Variants in SPACDR observed in about 807,000 individuals in gnomAD.
SPACDR encodes the protein uncharacterized protein C7orf61.
chr7:100,461,971 C>T, the SPACDR span, among the ~76,000 whole-genome samples: 1 of 136,952 alleles, frequency 7.3e-6, no homozygotes, highest in Non-Finnish European at 1.5e-5. Flanking sequence ...CCAACCTGGG[C>T]GACAGACTCC....
At chr7:100,463,989 G>GTC in the SPACDR span, 1 of 1,601,582 alleles carries the variant, frequency 6.2e-7, no homozygotes, top group East Asian at 2.3e-5. Flanking sequence ...TGCCAAGCCC[G>GTC]TCTAACCCAT....
At chr7:100,456,900 A>G in the SPACDR span, 1 of 1,613,464 alleles carries the variant, frequency 6.2e-7, no homozygotes, top group Non-Finnish European at 8.5e-7. Context: ...CACCAGGTAC[A>G]CCTCCCACAG....
the SPACDR span, among the ~76,000 whole-genome samples, chr7:100,457,617 C>CCTTT: frequency 7.9e-6 from 1 of 127,052 alleles, no homozygotes; most frequent in East Asian, 2.1e-4. Flanking sequence ...CCATGCCTGG[C>CCTTT]CTTTTTTTTT....
the SPACDR span, chr7:100,457,051 C>T: frequency 1.0e-4 from 119 of 1,185,638 alleles, no homozygotes; most frequent in East Asian, 2.0e-3. Flanking sequence ...GCCGCTAGAA[C>T]GACCCATAGA....
chr7:100,456,981 G>A, the SPACDR span: 12 of 1,610,208 alleles, frequency 7.5e-6, no homozygotes, highest in Admixed American at 8.4e-5. Flanking sequence ...AGAACTCACT[G>A]ATGACTGTAA....
chr7:100,459,883 C>A, the SPACDR span, among the ~76,000 whole-genome samples: 2 of 151,776 alleles, frequency 1.3e-5, no homozygotes, highest in Admixed American at 6.6e-5. Flanking sequence ...CTGTGAACAT[C>A]CACATTTAGA....
chr7:100,463,030 G>A, the SPACDR span, among the ~76,000 whole-genome samples: 1 of 150,912 alleles, frequency 6.6e-6, no homozygotes, highest in African/African-American at 2.4e-5. Flanking sequence ...CTTAAACCGG[G>A]GAGGTGGAGG....
chr7:100,459,703 G>A, the SPACDR span, among the ~76,000 whole-genome samples: 9 of 152,242 alleles, frequency 5.9e-5, no homozygotes, highest in Non-Finnish European at 1.3e-4. Context: ...GGGCTCGAGC[G>A]ATGCTTCTGC....
chr7:100,462,223 A>AT, the SPACDR span, among the ~76,000 whole-genome samples: 6 of 151,560 alleles, frequency 4.0e-5, no homozygotes, highest in East Asian at 1.9e-4. Context: ...TTTATTATTT[A>AT]TTTTTTTTGA....
At chr7:100,461,293 G>A in the SPACDR span, among the ~76,000 whole-genome samples, 1 of 151,948 alleles carries the variant, frequency 6.6e-6, no homozygotes, top group East Asian at 1.9e-4. Flanking sequence ...TCACCATGTC[G>A]GCCAGGCTGG....
At chr7:100,463,250 A>G in the SPACDR span, 3 of 858,626 alleles carry the variant, frequency 3.5e-6, no homozygotes, top group African/African-American at 3.4e-5. Flanking sequence ...CTGGGATTAC[A>G]GGCGTGAGTC....
chr7:100,456,871 G>A, the SPACDR span: 1 of 1,613,630 alleles, frequency 6.2e-7, no homozygotes, highest in Non-Finnish European at 8.5e-7. Context: ...CGGCGCAGGT[G>A]TTTCCGAACG....
the SPACDR span, chr7:100,464,088 C>CGGGGGGGGGG: frequency 1.4e-5 from 1 of 72,402 alleles, no homozygotes; most frequent in African/African-American, 3.9e-4. Flanking sequence ...GTGGGGGTGG[C>CGGGGGGGGGG]GGGTGGGGGA....
At chr7:100,462,869 GGAGGC>G in the SPACDR span, among the ~76,000 whole-genome samples, 1 of 147,470 alleles carries the variant, frequency 6.8e-6, no homozygotes, top group Admixed American at 6.7e-5. Flanking sequence ...CAGCACTTTG[GGAGGC>G]TGAGGCAGGT....
the SPACDR span, among the ~76,000 whole-genome samples, chr7:100,458,195 G>GGTGTGT: frequency 9.8e-4 from 134 of 137,114 alleles, no homozygotes; most frequent in Middle Eastern, 3.6e-3. Flanking sequence ...TGTACTCACT[G>GGTGTGT]GTGTGTGTGT....
At chr7:100,463,530 G>T in the SPACDR span, 1 of 1,613,998 alleles carries the variant, frequency 6.2e-7, no homozygotes, top group Non-Finnish European at 8.5e-7. Flanking sequence ...GCCAGCTCGG[G>T]GGACTCACCC....
At chr7:100,463,531 G>A in the SPACDR span, 3 of 1,614,004 alleles carry the variant, frequency 1.9e-6, no homozygotes, top group Non-Finnish European at 2.5e-6. Flanking sequence ...CCAGCTCGGG[G>A]GACTCACCCA....
the SPACDR span, among the ~76,000 whole-genome samples, chr7:100,457,661 C>T: frequency 7.2e-6 from 1 of 139,714 alleles, no homozygotes; most frequent in Non-Finnish European, 1.5e-5. Flanking sequence ...CACTCTGTCA[C>T]CCAGGCTGGA....
the SPACDR span, chr7:100,464,062 G>C: frequency 1.1e-6 from 1 of 871,004 alleles, no homozygotes; most frequent in Non-Finnish European, 1.7e-6. Context: ...AAAGGGCAGA[G>C]CTAGCATTTG....
Sources: gnomAD v4.1 joint callset for allele counts (sites outside exome capture counted in the v4.1 genomes callset) on GRCh38, gnomAD v4.1.1 for gene constraint, MANE v1.5 for transcripts, NCBI Gene and HGNC (gene_info 2026-07-23, HGNC 2026-07-21) for gene names.